MAPRE2: variants seen among roughly 807,000 people sequenced by gnomAD.
The protein encoded by MAPRE2 is microtubule-associated protein RP/EB family member 2.
MAPRE2 carries 13 observed loss-of-function variants against 43.2 expected under a neutral mutation model. That is an observed-to-expected ratio of 0.30 (90% confidence interval 0.20 to 0.48). The LOEUF (loss-of-function observed/expected upper bound fraction) is 0.48. MAPRE2 is among the 20% of genes least tolerant of loss of function. The probability of loss-of-function intolerance (pLI) is 0.99; values close to 1 mark genes in which losing one functional copy is unlikely to be tolerated. For synonymous variants in MAPRE2, 135 were observed against 148.8 expected (o/e 0.91, Z 0.68); for missense variants, 161 against 400.2 (o/e 0.40, Z 5.10).
intron 2 of MAPRE2, among the ~76,000 whole-genome samples, chr18:35,022,025 G>C (rs1310882611): frequency 6.6e-6 from 1 of 152,138 alleles, no homozygotes; most frequent in Non-Finnish European, 1.5e-5. Context: ...AGCCTCAGAA[G>C]CAGTGGAACC....
At chr18:35,011,789 G>A (rs2097034836) in intron 2 of MAPRE2, among the ~76,000 whole-genome samples, 1 of 152,188 alleles carries the variant, frequency 6.6e-6, no homozygotes, top group African/African-American at 2.4e-5. Flanking sequence ...AGAAAGGACT[G>A]GGGAAGGAAG....
chr18:34,983,484 A>G (rs1254540735), intron 1 of MAPRE2, among the ~76,000 whole-genome samples: 1 of 152,150 alleles, frequency 6.6e-6, no homozygotes, highest in African/African-American at 2.4e-5. Flanking sequence ...GGGCCTTCCT[A>G]TGCTTATTTT....
chr18:35,084,370 A>G (rs925393131), intron 2 of MAPRE2, among the ~76,000 whole-genome samples: 4 of 152,206 alleles, frequency 2.6e-5, no homozygotes, highest in African/African-American at 9.7e-5. Context: ...GGCACCTTTA[A>G]CTGCAGTTTG....
chr18:34,981,874 T>A (rs1451267811), intron 1 of MAPRE2, among the ~76,000 whole-genome samples: 5 of 32,098 alleles, frequency 1.6e-4, no homozygotes, highest in East Asian at 4.9e-3. Flanking sequence ...ATTTTTTTTT[T>A]TTATTTTTAT....
chr18:35,134,420 T>C (rs1397572896), intron 6 of MAPRE2, among the ~76,000 whole-genome samples: 7 of 152,248 alleles, frequency 4.6e-5, no homozygotes, highest in African/African-American at 7.2e-5. Context: ...ACCACATCCC[T>C]GTGAGGTGAG....
rs977780049 is a variant in MAPRE2 at position 35,141,020 on chromosome 18, A to G, written c.*651A>G. The G allele has an allele frequency of 2.6e-5, 4 of 152,270 alleles. No homozygotes were observed. The highest frequency in any genetic ancestry group is 5.9e-5 in the Non-Finnish European group (4 of 68,092). The allele number at this position is 152,270 out of a possible 1,614,324, so 9.4% of individuals were successfully genotyped here. ...TGTTCCTCCATCAGCATGTTAGACA[A>G]CTACACAGTATGTTGTTAGTTTTGA... On this transcript the variant is annotated 3_prime_UTR_variant, in exon 7 of 7. Transcript: ENST00000300249.
intron 2 of MAPRE2, among the ~76,000 whole-genome samples, chr18:35,071,461 G>A (rs1907113839): frequency 6.6e-6 from 1 of 152,202 alleles, no homozygotes; most frequent in Non-Finnish European, 1.5e-5. Context: ...GAAATAAGCA[G>A]TCCTCCTTTG....
At chr18:35,004,957 TA>T (rs1394995836) in intron 1 of MAPRE2, among the ~76,000 whole-genome samples, 2 of 151,994 alleles carry the variant, frequency 1.3e-5, no homozygotes, top group African/African-American at 4.8e-5. Flanking sequence ...ATTACTAAAT[TA>T]CTGCTTATTG....
intron 1 of MAPRE2, among the ~76,000 whole-genome samples, chr18:35,054,060 A>G (rs1044660975): frequency 3.3e-5 from 5 of 152,288 alleles, no homozygotes; most frequent in Admixed American, 1.3e-4. Flanking sequence ...CCCTTTTAAA[A>G]ATTTTTGTGG....
intron 1 of MAPRE2, among the ~76,000 whole-genome samples, chr18:34,993,639 A>T (rs2097024933): frequency 6.6e-6 from 1 of 152,192 alleles, no homozygotes; most frequent in African/African-American, 2.4e-5. Flanking sequence ...GGCACCTAAA[A>T]GTTAATGCCA....
At chr18:35,000,811 C>T (rs1175168869) in intron 1 of MAPRE2, among the ~76,000 whole-genome samples, 1 of 152,152 alleles carries the variant, frequency 6.6e-6, no homozygotes, top group South Asian at 2.1e-4. Flanking sequence ...TCTTTCCAAA[C>T]GCGAAGGGGG....
chr18:34,998,862 C>A (rs902032560), intron 1 of MAPRE2, among the ~76,000 whole-genome samples: 13 of 142,610 alleles, frequency 9.1e-5, no homozygotes, highest in African/African-American at 3.4e-4. Context: ...AAGATTTCCA[C>A]AGAGCACAAT....
At chr18:34,977,408 G>A (rs1217147570) in intron 1 of MAPRE2, among the ~76,000 whole-genome samples, 1 of 152,236 alleles carries the variant, frequency 6.6e-6, no homozygotes, top group African/African-American at 2.4e-5. Context: ...TGGTTCTGAG[G>A]GGTGAGGCTG....
At chr18:35,076,722 A>G (rs895152836) in intron 2 of MAPRE2, among the ~76,000 whole-genome samples, 1 of 152,202 alleles carries the variant, frequency 6.6e-6, no homozygotes, top group Non-Finnish European at 1.5e-5. Flanking sequence ...TCACATGAGT[A>G]TGTGAGAATT....
At chr18:35,028,471 T>A (rs878464) in intron 2 of MAPRE2, among the ~76,000 whole-genome samples, 11,741 of 152,182 alleles carry the variant, frequency 0.077, 1,043 homozygotes, top group African/African-American at 0.22. Context: ...CTATATTTTC[T>A]TAATTCCCCA....
intron 1 of MAPRE2, among the ~76,000 whole-genome samples, chr18:34,981,846 G>A (rs1197371143): frequency 6.7e-6 from 1 of 150,340 alleles, no homozygotes; most frequent in African/African-American, 2.5e-5. Flanking sequence ...ATACATCATT[G>A]TCTCAGCGAC....
At chr18:35,108,553 C>T (rs1030905023) in intron 4 of MAPRE2, among the ~76,000 whole-genome samples, 1 of 152,078 alleles carries the variant, frequency 6.6e-6, no homozygotes, top group African/African-American at 2.4e-5. Flanking sequence ...TCATACTGTC[C>T]TCCACAATGG....
intron 2 of MAPRE2, among the ~76,000 whole-genome samples, chr18:35,071,253 C>T (rs1221339154): frequency 3.3e-5 from 5 of 151,874 alleles, no homozygotes; most frequent in African/African-American, 9.7e-5. Flanking sequence ...TGGTGACTTA[C>T]GCCTGTAATC....
intron 4 of MAPRE2, among the ~76,000 whole-genome samples, chr18:35,108,020 A>T (rs1317734665): frequency 4.6e-5 from 7 of 152,034 alleles, no homozygotes; most frequent in Non-Finnish European, 1.0e-4. Flanking sequence ...TCTAAAAAAA[A>T]AAAGGGATAC....
Sources: gnomAD v4.1 joint callset for allele counts (sites outside exome capture counted in the v4.1 genomes callset) on GRCh38, gnomAD v4.1.1 for gene constraint, MANE v1.5 for transcripts, NCBI Gene and HGNC (gene_info 2026-07-23, HGNC 2026-07-21) for gene names.